Variants in CACNA2D4 observed in about 807,000 individuals in gnomAD.
The protein encoded by CACNA2D4 is voltage-dependent calcium channel subunit alpha-2/delta-4.
In CACNA2D4, 157 loss-of-function variants were observed where a neutral mutation model predicts 163.8. The ratio of observed to expected loss-of-function variants is 0.96; its 90% CI spans 0.84 to 1.09. CACNA2D4 has a LOEUF of 1.09. Ranked by LOEUF, CACNA2D4 falls within the 50% of genes least tolerant of loss-of-function variation. CACNA2D4 has a pLI of 0.00. For missense variants in CACNA2D4, 1,410 were observed against 1,479.9 expected (o/e 0.95, Z 0.78); for synonymous variants, 598 against 586.9 (o/e 1.02, Z -0.27).
Position 1,806,632 on chromosome 12 carries a change from C to T in CACNA2D4, c.2721+3646G>A, listed in dbSNP as rs1237489445. ...GCCTAGTCAGGAAAGTGACAGCAGC[C>T]AGCTAAAGTGCATTGAGATCCACAG... On this transcript the variant is annotated intron_variant, in intron 29 of 37. Transcript: ENST00000382722. This position sits in a 1 kb window ranked among gnomAD's most constrained non-coding sequence, Gnocchi z 4.1. Among the ~76,000 whole-genome samples the T allele has an allele frequency of 6.6e-6, 1 of 152,204 alleles. No homozygotes were observed. Among genetic ancestry groups the T allele is most frequent in the Non-Finnish European group, 1.5e-5 (1 of 68,032 alleles).
intron 26 of CACNA2D4, among the ~76,000 whole-genome samples, chr12:1,838,128 T>C (rs1864924635): frequency 6.6e-6 from 1 of 152,236 alleles, no homozygotes; most frequent in African/African-American, 2.4e-5. Flanking sequence ...AAACAGATCC[T>C]GATCCAAAAG....
intron 23 of CACNA2D4, among the ~76,000 whole-genome samples, chr12:1,851,651 TTGTGTG>T (rs71055202): frequency 8.4e-5 from 10 of 118,580 alleles, no homozygotes; most frequent in Admixed American, 2.0e-4. Context: ...TGGTGTGTGT[TTGTGTG>T]TGTGTGTGTG....
At chr12:1,896,048 A>G (rs2154450353) in intron 6 of CACNA2D4, among the ~76,000 whole-genome samples, 1 of 152,302 alleles carries the variant, frequency 6.6e-6, no homozygotes, top group African/African-American at 2.4e-5. Context: ...AGAAGAATAA[A>G]ACTGGATCCC....
intron 6 of CACNA2D4, among the ~76,000 whole-genome samples, chr12:1,894,289 T>C (rs894058492): frequency 2.0e-5 from 3 of 152,186 alleles, no homozygotes; most frequent in Non-Finnish European, 4.4e-5. Flanking sequence ...ATAGACTCAC[T>C]GCCAAATTGT....
At chr12:1,897,141 C>A (rs7314799) in intron 6 of CACNA2D4, among the ~76,000 whole-genome samples, 10 of 151,984 alleles carry the variant, frequency 6.6e-5, no homozygotes, top group Non-Finnish European at 1.2e-4. Flanking sequence ...ACAAGCACTA[C>A]ATGTTCTCGT....
At chr12:1,821,682 C>A (rs183706630) in intron 26 of CACNA2D4, among the ~76,000 whole-genome samples, 11 of 152,172 alleles carry the variant, frequency 7.2e-5, no homozygotes, top group African/African-American at 2.7e-4. Flanking sequence ...GGCATGGACA[C>A]CCTGAGTAGA....
chr12:1,844,321 T>C lies in CACNA2D4; in HGVS notation c.2470+81A>G. 1 of 1,514,410 alleles carries C rather than the reference T, an allele frequency of 6.6e-7. No individual in the cohort carries two copies. The highest frequency in any genetic ancestry group is 1.2e-5 in the South Asian group (1 of 82,482). 93.8% of individuals were successfully genotyped at this position (1,514,410 alleles called of 1,614,324 possible). A position where few individuals can be genotyped will look rare whatever the true frequency, so the allele number is the denominator to read the frequency against. On this transcript the variant is annotated intron_variant, in intron 25 of 37. Coordinates refer to ENST00000382722, the MANE Select transcript of CACNA2D4 (RefSeq NM_172364.5). The surrounding 1 kb of genome is among the most constrained non-coding windows in gnomAD (Gnocchi z 4.2). The stretch of plus-strand genomic sequence containing the variant: ...TTCTATTCCATATCTCGTTCCCATT[T>C]CCCACTAAGAGCACAGCAGGAGGAG...
chr12:1,896,631 ACACACACAC>A (rs1866409293), intron 6 of CACNA2D4, among the ~76,000 whole-genome samples: 2 of 142,920 alleles, frequency 1.4e-5, no homozygotes, highest in East Asian at 1.9e-4. Context: ...ACACACACAC[ACACACACAC>A]ACACACACAC....
intron 27 of CACNA2D4, among the ~76,000 whole-genome samples, chr12:1,810,953 C>G (rs1187273724): frequency 6.6e-6 from 1 of 152,198 alleles, no homozygotes; most frequent in African/African-American, 2.4e-5. Context: ...TCTAGAGGTG[C>G]AGGCTCTGCA....
intron 14 of CACNA2D4, 113 bp from the exon 15 acceptor site, chr12:1,879,149 G>A (rs1261208854): frequency 4.1e-6 from 3 of 729,498 alleles, no homozygotes; most frequent in Non-Finnish European, 4.7e-6. Flanking sequence ...GGCTTTAAGT[G>A]GTTCTTCCTC....
In CACNA2D4 at chr12:1,831,267, G is replaced by A. The variant is rs113216796; in HGVS notation, c.2551+9472C>T. On this transcript the variant is annotated intron_variant, in intron 26 of 37. Coordinates refer to ENST00000382722, the MANE Select transcript of CACNA2D4 (RefSeq NM_172364.5). ...TAACAGCATCAGGACCCTGGACAGGGACCTGCTGCGGCACTCGCCGCTGCT... is the reference window on the plus strand; with the variant it reads ...TAACAGCATCAGGACCCTGGACAGGAACCTGCTGCGGCACTCGCCGCTGCT... 1.1e-5 allele frequency: 18 copies of A among 1,613,742 alleles called. No homozygotes were observed. In the African/African-American group the frequency reaches 1.3e-4, roughly 12 times the overall value.
At chr12:1,797,688 G>C in intron 34 of CACNA2D4, 153 bp from the exon 35 acceptor site, 1 of 680,350 alleles carries the variant, frequency 1.5e-6, no homozygotes. Flanking sequence ...GGAGCCGGGC[G>C]GGGGGTGAGG....
intron 26 of CACNA2D4, chr12:1,830,816 G>A: frequency 1.3e-6 from 1 of 794,746 alleles, no homozygotes; most frequent in Non-Finnish European, 2.0e-6. Context: ...CATTGATTGT[G>A]GCTTGTGCCA....
At chr12:1,879,358 G>A (rs58041839) in intron 14 of CACNA2D4, among the ~76,000 whole-genome samples, 33,113 of 152,046 alleles carry the variant, frequency 0.22, 5,994 homozygotes, top group African/African-American at 0.5. Context: ...CATAACTCAC[G>A]GGGGCTCTGA....
intron 19 of CACNA2D4, 51 bp downstream of exon 19, chr12:1,860,094 G>T (rs1865489456): frequency 2.7e-5 from 39 of 1,440,640 alleles, no homozygotes; most frequent in Non-Finnish European, 3.7e-5. Context: ...ATGAGTTGCT[G>T]GTATTCATGT....
Position 1,810,276 on chromosome 12 carries a change from ACCTCT to A in CACNA2D4, c.2718_2721+1del, listed in dbSNP as rs1324418996. ...CCTCATTCTATATCCCCAGTGACTC[ACCTCT>A]CGGGACCTCTTGGAGATCAGAATGA... On this transcript the variant is annotated splice_donor_variant and coding_sequence_variant, in exon 29 of 38. Transcript: ENST00000382722. LOFTEE classifies it high-confidence loss of function. 1 of 1,610,762 alleles carries A rather than the reference ACCTCT, an allele frequency of 6.2e-7. No individual in the cohort carries two copies. Among genetic ancestry groups the A allele is most frequent in the South Asian group, 1.1e-5 (1 of 90,888 alleles).
At position 1,856,165 on chromosome 12, in the gene CACNA2D4, T is replaced by C; in HGVS notation, c.2054+19A>G. Reference sequence around the variant, plus strand: ...AAACATTCCACCTGTCTCCCTCCCATTTTTTACTCCTCACTTACCAGTCAC... The same window carrying C: ...AAACATTCCACCTGTCTCCCTCCCACTTTTTACTCCTCACTTACCAGTCAC... On this transcript the variant is annotated intron_variant, in intron 21 of 37. Transcript: ENST00000382722. 6.2e-7 allele frequency: 1 copy of C among 1,613,838 alleles called. No homozygotes were observed. Among genetic ancestry groups the C allele is most frequent in the Non-Finnish European group, 8.5e-7 (1 of 1,179,762 alleles).
At position 1,797,505 on chromosome 12, in the gene CACNA2D4, T is replaced by A. The variant is rs999293144; in HGVS notation, c.3026A>T (p.Gln1009Leu). ...CACGGGGTACTCCGTGTCGCAGGGC[T>A]GCAGCGGGTCCTGCTTCTTGTGTTT... Reference protein sequence around the residue: ...SHKHKKQDPLQPCDTEYPVFV... With the variant: ...SHKHKKQDPLLPCDTEYPVFV... The change falls in exon 35 of 38, where the codon CAG becomes CTG. Residue 1009 changes from glutamine to leucine, a missense_variant. Transcript: ENST00000382722. 4 of 1,580,474 alleles carry A rather than the reference T, an allele frequency of 2.5e-6. No individual in the cohort carries two copies. Among genetic ancestry groups the A allele is most frequent in the East Asian group, 4.6e-5 (2 of 43,118 alleles).
At chr12:1,822,960 G>A (rs145899509) in intron 26 of CACNA2D4, among the ~76,000 whole-genome samples, 1 of 152,348 alleles carries the variant, frequency 6.6e-6, no homozygotes, top group East Asian at 1.9e-4. Flanking sequence ...GGCCCCTGCA[G>A]GCCCAGGGTG....
Sources: gnomAD v4.1 joint callset for allele counts (sites outside exome capture counted in the v4.1 genomes callset) on GRCh38, gnomAD v4.1.1 for gene constraint, Gnocchi (gnomAD v3.1) non-coding constraint, MANE v1.5 for transcripts, NCBI Gene and HGNC (gene_info 2026-07-23, HGNC 2026-07-21) for gene names.